SARDH: variants seen among roughly 807,000 people sequenced by gnomAD.
SARDH encodes sarcosine dehydrogenase.
In SARDH, 95 loss-of-function variants were observed where a neutral mutation model predicts 109.1. The observed-to-expected ratio is 0.87, with a 90% CI of 0.74 to 1.03. The LOEUF is 1.03. Ranked by LOEUF, SARDH falls within the 50% of genes least tolerant of loss-of-function variation. The probability of loss-of-function intolerance (pLI) is 0.00; values close to 1 mark genes in which losing one functional copy is unlikely to be tolerated. For synonymous variants in SARDH, 572 were observed against 534.8 expected (o/e 1.07, Z -0.96); for missense variants, 1,267 against 1,287.8 (o/e 0.98, Z 0.25).
Position 133,694,473 on chromosome 9 carries a change from G to A in SARDH, c.1808-102C>T, listed in dbSNP as rs761599893. 5.5e-5 allele frequency: 53 copies of A among 963,464 alleles called. 1 individual carries two copies. The highest frequency in any genetic ancestry group is 3.5e-4 in the South Asian group (25 of 71,878). 59.7% of individuals were successfully genotyped at this position (963,464 alleles called of 1,614,324 possible). ...GCTCACAGGGGCAGCTCCTTGTCAC[G>A]GAGGCTGGATAACCCCCAGACAGGA... On this transcript the variant is annotated intron_variant, in intron 14 of 20. Coordinates refer to ENST00000439388, the MANE Select transcript of SARDH (RefSeq NM_001134707.2).
At chr9:133,680,933 G>A (rs1564244547) in intron 17 of SARDH, among the ~76,000 whole-genome samples, 1 of 152,242 alleles carries the variant, frequency 6.6e-6, no homozygotes, top group Non-Finnish European at 1.5e-5. Flanking sequence ...CTCACCCCCA[G>A]TCTGTCCCCG....
At chr9:133,680,354 C>G (rs553929894) in intron 17 of SARDH, among the ~76,000 whole-genome samples, 48 of 152,326 alleles carry the variant, frequency 3.2e-4, no homozygotes, top group African/African-American at 1.1e-3. Context: ...CAACTCCCAT[C>G]TCCCACCTGC....
chr9:133,717,557 A>T (rs942263940), intron 7 of SARDH, 102 bp from the exon 8 acceptor site: 1 of 1,501,952 alleles, frequency 6.7e-7, no homozygotes, highest in Non-Finnish European at 9.0e-7. Context: ...GCCTCTGCTG[A>T]ATCAGATGCA....
chr9:133,663,276 C>T (rs555580166), downstream of SARDH, among the ~76,000 whole-genome samples: 13 of 152,320 alleles, frequency 8.5e-5, no homozygotes, highest in East Asian at 7.7e-4. Context: ...TCTGTGTTCC[C>T]GGGCTGCCGA....
chr9:133,659,653 C>T (rs1832385648), downstream of SARDH, among the ~76,000 whole-genome samples: 1 of 152,202 alleles, frequency 6.6e-6, no homozygotes, highest in African/African-American at 2.4e-5. Context: ...GCGGCTGCTG[C>T]TTCTGCAAGG....
rs1290530461 is a variant in SARDH at position 133,693,056 on chromosome 9, T to C, written c.1921+1202A>G. ...CCGCTGGGCAGTGAGGAGCGCTGTC[T>C]TCCCACCCTGGCCCCCAATATCCCA... On this transcript the variant is annotated intron_variant, in intron 15 of 20. Coordinates refer to ENST00000439388, the MANE Select transcript of SARDH (RefSeq NM_001134707.2). The surrounding 1 kb of genome is among the most constrained non-coding windows in gnomAD (Gnocchi z 5.6). 6.6e-6 allele frequency among the ~76,000 whole-genome samples: 1 copy of C among 151,896 alleles called. No homozygotes were observed. Among genetic ancestry groups the C allele is most frequent in the Non-Finnish European group, 1.5e-5 (1 of 67,960 alleles).
chr9:133,693,597 A>C lies in SARDH; in HGVS notation c.1921+661T>G, dbSNP rs1392796638. ...AGAATGTTTCCCTCTCTGCTTCTTC[A>C]TCCCTGGTGGGGATGGGTTACAGGA... On this transcript the variant is annotated intron_variant, in intron 15 of 20. Coordinates refer to ENST00000439388, the MANE Select transcript of SARDH (RefSeq NM_001134707.2). This position sits in a 1 kb window ranked among gnomAD's most constrained non-coding sequence, Gnocchi z 5.6. 6.6e-6 allele frequency among the ~76,000 whole-genome samples: 1 copy of C among 152,168 alleles called. No individual in the cohort carries two copies. The highest frequency in any genetic ancestry group is 2.4e-5 in the African/African-American group (1 of 41,452).
chr9:133,734,339 A>G (rs1832793671), intron 1 of SARDH, 136 bp from the exon 2 acceptor site: 2 of 486,562 alleles, frequency 4.1e-6, no homozygotes, highest in South Asian at 4.4e-5. Context: ...GCATTCATTC[A>G]TTCACTCATT....
intron 15 of SARDH, 134 bp downstream of exon 15, chr9:133,694,124 G>A (rs999221378): frequency 6.0e-6 from 4 of 662,308 alleles, no homozygotes; most frequent in Non-Finnish European, 1.0e-5. Context: ...TCCCAGCTCT[G>A]ACCACAGCGG....
chr9:133,679,091 C>T (rs1830608928), intron 17 of SARDH, among the ~76,000 whole-genome samples: 1 of 152,202 alleles, frequency 6.6e-6, no homozygotes, highest in Non-Finnish European at 1.5e-5. Context: ...TCCACAAACA[C>T]CCTCGCTCCA....
intron 17 of SARDH, 136 bp downstream of exon 17, chr9:133,685,057 C>T (rs1830835237): frequency 3.0e-6 from 2 of 674,292 alleles, no homozygotes; most frequent in African/African-American, 3.6e-5. Flanking sequence ...CCACTGTCCC[C>T]CCTTCACAGT....
chr9:133,707,365 A>G (rs1831730253), intron 11 of SARDH, among the ~76,000 whole-genome samples: 1 of 152,100 alleles, frequency 6.6e-6, no homozygotes, highest in Non-Finnish European at 1.5e-5. Flanking sequence ...GGGGCATGCT[A>G]GGGAGACCCC....
intron 15 of SARDH, among the ~76,000 whole-genome samples, chr9:133,691,287 G>C (rs1321846041): frequency 3.9e-5 from 6 of 152,136 alleles, no homozygotes; most frequent in Non-Finnish European, 7.4e-5. Flanking sequence ...TCCCAGGAGG[G>C]CATGGGAGCT....
intron 17 of SARDH, among the ~76,000 whole-genome samples, chr9:133,675,093 C>CA (rs1043051677): frequency 6.6e-6 from 1 of 152,100 alleles, no homozygotes; most frequent in Non-Finnish European, 1.5e-5. Context: ...CCTGTAATCC[C>CA]AGCACTTTGG....
Position 133,688,238 on chromosome 9 carries a change from A to G in SARDH, c.2069+2142T>C, listed in dbSNP as rs554764458. On this transcript the variant is annotated intron_variant, in intron 16 of 20. Coordinates refer to ENST00000439388, the MANE Select transcript of SARDH (RefSeq NM_001134707.2). ...CGGCTGCCTGTGGGCCAGGCTGGGG[A>G]CTGCATGATTCCACCGCATCCCAGT... Among the ~76,000 whole-genome samples the G allele has an allele frequency of 1.4e-4, 22 of 152,200 alleles. No homozygotes were observed. In the South Asian group the frequency reaches 4.6e-3, roughly 32 times the overall value.
Position 133,733,979 on chromosome 9 carries a change from G to A in SARDH, c.195C>T (p.Ser65=). Residue 65 remains serine, a synonymous_variant, in exon 2 of 21, where the codon AGC becomes AGT. Transcript: ENST00000439388. ...CACCAATGACCACCACGTTGGCCGT[G>A]CTGGGCAGGGGCCGGCTTGGGCCTT... ...VAQGPSRPLP[S]TANVVVIGGG... is the part of the protein sequence containing the mutation. The A allele has an allele frequency of 6.2e-7, 1 of 1,612,282 alleles. No homozygotes were observed. The highest frequency in any genetic ancestry group is 2.2e-5 in the East Asian group (1 of 44,872).
chr9:133,659,960 A>C (rs2131299933), downstream of SARDH, among the ~76,000 whole-genome samples: 1 of 152,142 alleles, frequency 6.6e-6, no homozygotes, highest in East Asian at 1.9e-4. Context: ...CGGGCAGGGA[A>C]ACTGAGACTC....
In SARDH at chr9:133,686,400, T is replaced by A. The variant is rs949737848; in HGVS notation, c.2070-1114A>T. Among the ~76,000 whole-genome samples, 1 of 151,992 alleles carries A rather than the reference T, an allele frequency of 6.6e-6. No individual in the cohort carries two copies. The highest frequency in any genetic ancestry group is 1.5e-5 in the Non-Finnish European group (1 of 67,976). ...ACTTAACCCTTTGTCATCCTTCAGC[T>A]CTTGGCTCAGCTGTCACCTCCCCCA... On this transcript the variant is annotated intron_variant, in intron 16 of 20. Coordinates refer to ENST00000439388, the MANE Select transcript of SARDH (RefSeq NM_001134707.2). The surrounding 1 kb of genome is among the most constrained non-coding windows in gnomAD (Gnocchi z 4.0).
chr9:133,713,549 TC>T (rs1832009692), intron 8 of SARDH, among the ~76,000 whole-genome samples: 2 of 151,954 alleles, frequency 1.3e-5, no homozygotes, highest in Admixed American at 6.6e-5. Context: ...TCACTCCACT[TC>T]CCCCCGCCCA....
Sources: gnomAD v4.1 joint callset for allele counts (sites outside exome capture counted in the v4.1 genomes callset) on GRCh38, gnomAD v4.1.1 for gene constraint, Gnocchi (gnomAD v3.1) non-coding constraint, MANE v1.5 for transcripts, NCBI Gene and HGNC (gene_info 2026-07-23, HGNC 2026-07-21) for gene names.